DHX34: variants seen among roughly 807,000 people sequenced by gnomAD.
DHX34 encodes the protein probable ATP-dependent RNA helicase DHX34.
A neutral mutation model predicts 111.1 loss-of-function variants in DHX34; 96 were observed. That is an observed-to-expected ratio of 0.86 (90% CI 0.73 to 1.02). DHX34 has a LOEUF of 1.02. Ranked by LOEUF, DHX34 falls within the 50% of genes least tolerant of loss-of-function variation. The probability of loss-of-function intolerance (pLI) is 0.00; values close to 1 mark genes in which losing one functional copy is unlikely to be tolerated. For missense variants in DHX34, 1,560 were observed against 1,579.9 expected (o/e 0.99, Z 0.21); for synonymous variants, 688 against 670.4 (o/e 1.03, Z -0.41).
At chr19:47,374,177 G>A (rs559774098) in intron 9 of DHX34, among the ~76,000 whole-genome samples, 98 of 152,260 alleles carry the variant, frequency 6.4e-4, no homozygotes, top group African/African-American at 2.3e-3. Context: ...GGTGGCTCAC[G>A]CCTATAATCC....
chr19:47,368,609 T>G (rs2122293107), intron 7 of DHX34, among the ~76,000 whole-genome samples: 1 of 135,022 alleles, frequency 7.4e-6, no homozygotes, highest in South Asian at 2.3e-4. Flanking sequence ...CCCGGTCCAT[T>G]GAATGTGTGT....
At chr19:47,351,340 C>G (rs1197119843) in intron 1 of DHX34, among the ~76,000 whole-genome samples, 2 of 151,624 alleles carry the variant, frequency 1.3e-5, no homozygotes, top group Non-Finnish European at 2.9e-5. Flanking sequence ...AGGTGCCCGC[C>G]ACCACACCTG....
intron 7 of DHX34, among the ~76,000 whole-genome samples, chr19:47,368,577 A>G (rs1231944961): frequency 1.3e-5 from 2 of 149,386 alleles, no homozygotes; most frequent in East Asian, 2.0e-4. Flanking sequence ...AAGTGCTGTG[A>G]TTACAGGCTT....
intron 5 of DHX34, among the ~76,000 whole-genome samples, chr19:47,360,286 A>T (rs1272590386): frequency 6.6e-6 from 1 of 152,214 alleles, no homozygotes; most frequent in Non-Finnish European, 1.5e-5. Context: ...TGAGTATGTC[A>T]AATCCAGAAA....
chr19:47,372,496 G>A, intron 7 of DHX34: 1 of 582,164 alleles, frequency 1.7e-6, no homozygotes, highest in Non-Finnish European at 2.2e-6. Context: ...AGGAGGCAGG[G>A]ACTGGCCATC....
chr19:47,381,977 T>C lies in DHX34; in HGVS notation c.3299-3T>C, dbSNP rs113840347. On this transcript the variant is annotated splice_polypyrimidine_tract_variant and splice_region_variant and intron_variant, in intron 16 of 16. Transcript: ENST00000328771. ...TCACAGCCTCCTCCTTTTCCTCCCT[T>C]AGGGGCTGAGGAAGCTGCCCTCGAA... The C allele has an allele frequency of 0.015, 23,953 of 1,614,030 alleles. 233 individuals are homozygous for C. The highest frequency in any genetic ancestry group is 0.018 in the Non-Finnish European group (21,666 of 1,179,938).
chr19:47,357,841 T>G, intron 3 of DHX34, 25 bp from the exon 4 acceptor site: 1 of 1,601,208 alleles, frequency 6.2e-7, no homozygotes, highest in Non-Finnish European at 8.5e-7. Context: ...AGGGTGTGCT[T>G]CTACCTGGGG....
In DHX34 at chr19:47,353,668, G is replaced by A. The variant is rs745607167; in HGVS notation, c.638G>A (p.Arg213Gln). Reference protein sequence around the residue: ...GFSHVACTQPRRIACISLAKR... With the variant: ...GFSHVACTQPQRIACISLAKR... ...AGTCATGTGGCGTGCACCCAGCCCCGGCGGATCGCCTGCATCTCACTGGCC... is the reference window on the plus strand; with the variant it reads ...AGTCATGTGGCGTGCACCCAGCCCCAGCGGATCGCCTGCATCTCACTGGCC... The change falls in exon 2 of 17, where the codon CGG becomes CAG. Residue 213 changes from arginine to glutamine, a missense_variant. By Grantham distance (43) the Arg-to-Gln change is conservative. Transcript: ENST00000328771. The surrounding 1 kb of genome is among the most constrained non-coding windows in gnomAD (Gnocchi z 4.6). 94 of 1,612,370 alleles carry A rather than the reference G, an allele frequency of 5.8e-5. No individual in the cohort carries two copies. The highest frequency in any genetic ancestry group is 7.3e-5 in the Non-Finnish European group (86 of 1,179,576).
rs1969577333 is a variant in DHX34 at position 47,360,002 on chromosome 19, G to A, written c.1307G>A (p.Cys436Tyr). The part of the protein sequence containing the change: ...FDVAPPGVRK[C>Y]ILSTNIAETS... Reference sequence around the variant, plus strand: ...GTGGCACCCCCTGGAGTCCGGAAATGCATCCTCTCCACCAACATTGCTGAG... The same window carrying A: ...GTGGCACCCCCTGGAGTCCGGAAATACATCCTCTCCACCAACATTGCTGAG... The change falls in exon 5 of 17, where the codon TGC becomes TAC. Residue 436 changes from cysteine to tyrosine, a missense_variant. By Grantham distance (194) the Cys-to-Tyr change is radical. Transcript: ENST00000328771. The A allele has an allele frequency of 6.2e-7, 1 of 1,613,934 alleles. No homozygotes were observed. Among genetic ancestry groups the A allele is most frequent in the Admixed American group, 1.7e-5 (1 of 59,976 alleles).
At chr19:47,376,396 G>A (rs1568406011) in intron 11 of DHX34, 47 bp from the exon 12 acceptor site, 1 of 1,582,518 alleles carries the variant, frequency 6.3e-7, no homozygotes, top group South Asian at 1.1e-5. Flanking sequence ...CCTGGGCAGA[G>A]GAGAGAGCAG....
At chr19:47,367,875 G>A (rs1343408653) in intron 7 of DHX34, among the ~76,000 whole-genome samples, 24 of 123,726 alleles carry the variant, frequency 1.9e-4, no homozygotes, top group Admixed American at 3.1e-4. Context: ...TAGCCTGGGC[G>A]ACAGAGCGAG....
At position 47,376,458 on chromosome 19, in the gene DHX34, G is replaced by T; in HGVS notation, c.2497G>T (p.Ala833Ser). 1 of 1,611,606 alleles carries T rather than the reference G, an allele frequency of 6.2e-7. No individual in the cohort carries two copies. Among genetic ancestry groups the T allele is most frequent in the Non-Finnish European group, 8.5e-7 (1 of 1,179,148 alleles). The change falls in exon 12 of 17, where the codon GCC becomes TCC. Residue 833 changes from alanine to serine, a missense_variant. Physicochemically the swap from Ala to Ser is moderately conservative, Grantham distance 99 (BLOSUM62 1). Transcript: ENST00000328771. ...KDSDQIFHTQAKQGAVLHPTC... is the reference protein window; with the variant it reads ...KDSDQIFHTQSKQGAVLHPTC... ...TCCTCCGCAGATTTTCCACACGCAG[G>T]CCAAGCAGGGCGCCGTGCTGCACCC...
chr19:47,378,836 C>A (rs1256026150), intron 13 of DHX34, among the ~76,000 whole-genome samples: 1 of 149,786 alleles, frequency 6.7e-6, no homozygotes, highest in Non-Finnish European at 1.5e-5. Context: ...GACACTGTCT[C>A]AAAAAATAAT....
intron 7 of DHX34, among the ~76,000 whole-genome samples, chr19:47,367,964 C>G (rs1224595308): frequency 6.6e-6 from 1 of 151,668 alleles, no homozygotes; most frequent in Non-Finnish European, 1.5e-5. Context: ...CTGATTCAAC[C>G]TAATATACCT....
intron 1 of DHX34, among the ~76,000 whole-genome samples, chr19:47,351,165 CTTTTTCTT>C (rs1969272493): frequency 7.8e-6 from 1 of 128,122 alleles, no homozygotes; most frequent in African/African-American, 2.9e-5. Flanking sequence ...CTCTCATTTT[CTTTTTCTT>C]TTTTTTTTTT....
At chr19:47,354,991 T>G (rs966537027) in intron 2 of DHX34, 48 bp from the exon 3 acceptor site, 1 of 1,594,450 alleles carries the variant, frequency 6.3e-7, no homozygotes. Flanking sequence ...CAGGGGCTGG[T>G]ACCCAGGCTC....
At chr19:47,376,689 G>A in intron 12 of DHX34, 129 bp downstream of exon 12, 1 of 1,459,148 alleles carries the variant, frequency 6.9e-7, no homozygotes, top group Non-Finnish European at 9.1e-7. Flanking sequence ...GCCCACAGGA[G>A]GGGAAGTTCC....
chr19:47,362,583 A>G lies in DHX34; in HGVS notation c.1483A>G (p.Thr495Ala). The change falls in exon 6 of 17, where the codon ACG (threonine) becomes GCG (alanine). Residue 495 changes from threonine to alanine, a missense_variant. By Grantham distance (58) the Thr-to-Ala change is moderately conservative (BLOSUM62 0). Transcript: ENST00000328771. ...AEQRKGRAGR[T>A]GPGVCFRLYA... Reference sequence around the variant, plus strand: ...GCAGCGGAAGGGCCGGGCGGGCCGCACGGGCCCCGGAGTCTGCTTCCGCCT... The same window carrying G: ...GCAGCGGAAGGGCCGGGCGGGCCGCGCGGGCCCCGGAGTCTGCTTCCGCCT... 1 of 1,613,626 alleles carries G rather than the reference A, an allele frequency of 6.2e-7. No homozygotes were observed. The highest frequency in any genetic ancestry group is 8.5e-7 in the Non-Finnish European group (1 of 1,179,902).
Position 47,357,848 on chromosome 19 carries a change from G to A in DHX34, c.1018-18G>A, listed in dbSNP as rs760640285. The stretch of plus-strand genomic sequence containing the variant: ...GGAGGGACAGGGTGTGCTTCTACCT[G>A]GGGCTGTCTCCTCTCAGGTTGTGTA... On this transcript the variant is annotated intron_variant, in intron 3 of 16. Coordinates refer to ENST00000328771, the MANE Select transcript of DHX34 (RefSeq NM_014681.6). 29 of 1,605,228 alleles carry A rather than the reference G, an allele frequency of 1.8e-5. No individual in the cohort carries two copies. In the East Asian group the frequency reaches 5.6e-4, roughly 31 times the overall value.
Sources: gnomAD v4.1 joint callset for allele counts (sites outside exome capture counted in the v4.1 genomes callset) on GRCh38, gnomAD v4.1.1 for gene constraint, Gnocchi (gnomAD v3.1) non-coding constraint, MANE v1.5 for transcripts, NCBI Gene and HGNC (gene_info 2026-07-23, HGNC 2026-07-21) for gene names.